Variants in LAMA5 observed in about 807,000 individuals in gnomAD.
LAMA5 encodes laminin subunit alpha-5.
In LAMA5, 260 loss-of-function variants were observed where a neutral mutation model predicts 433.4. That is an observed-to-expected ratio of 0.60 (90% CI 0.54 to 0.66). The LOEUF (loss-of-function observed/expected upper bound fraction) is 0.66. Ranked by LOEUF, LAMA5 falls within the 30% of genes least tolerant of loss-of-function variation. The pLI, the probability that LAMA5 is intolerant of heterozygous loss-of-function variation, is 0.00. For synonymous variants in LAMA5, 2,620 were observed against 2,226.6 expected (o/e 1.18, Z -4.97); for missense variants, 5,378 against 5,258.5 (o/e 1.02, Z -0.70).
chr20:62,347,284 T>C (rs1983547418), intron 6 of LAMA5, among the ~76,000 whole-genome samples: 1 of 152,146 alleles, frequency 6.6e-6, no homozygotes, highest in African/African-American at 2.4e-5. Flanking sequence ...GGACAGGGTC[T>C]CACAGGGCCT....
intron 28 of LAMA5, among the ~76,000 whole-genome samples, chr20:62,332,015 G>A (rs1220895781): frequency 1.3e-5 from 2 of 151,582 alleles, no homozygotes; most frequent in Non-Finnish European, 2.9e-5. Context: ...TCTTGCCATT[G>A]CGCTCCAGCC....
chr20:62,338,444 G>A, intron 12 of LAMA5, 24 bp downstream of exon 12: 1 of 1,607,730 alleles, frequency 6.2e-7, no homozygotes, highest in Non-Finnish European at 8.5e-7. Flanking sequence ...GCAGGTAGAG[G>A]TTGAGCGGGG....
intron 26 of LAMA5, 76 bp downstream of exon 26, chr20:62,333,014 C>T (rs1280257538): frequency 7.2e-7 from 1 of 1,396,112 alleles, no homozygotes; most frequent in African/African-American, 1.5e-5. Flanking sequence ...TATAACCTGC[C>T]ACCGCCACAG....
intron 68 of LAMA5, 29 bp downstream of exon 68, chr20:62,312,371 C>A: frequency 6.2e-7 from 1 of 1,600,076 alleles, no homozygotes; most frequent in East Asian, 2.2e-5. Context: ...TCCACAGATG[C>A]CACCCCCAGC....
rs1325853220 is a variant in LAMA5, at chr20:62,322,282, C to T, written c.6333G>A (p.Glu2111=). 4.4e-6 allele frequency: 7 copies of T among 1,597,952 alleles called. No homozygotes were observed. The Admixed American group carries it at 1.0e-4, about 23-fold the overall frequency. The part of the protein sequence containing the change: ...ECAPGYWGLP[E]QGCRRCQCPG... ...GCCAGCACTCACGCCTGCAGCCCTG[C>T]TCAGGGAGCCCCCAGTAGCCAGGGG... The change falls in exon 47 of 80, where the codon GAG becomes GAA. Residue 2111 remains glutamate, a synonymous_variant. Transcript: ENST00000252999.
Position 62,314,903 on chromosome 20 carries a change from T to C in LAMA5, c.8092A>G (p.Ser2698Gly), listed in dbSNP as rs1176366689. The change falls in exon 60 of 80, where the codon AGC becomes GGC. Residue 2698 changes from serine (S) to glycine (G), a missense_variant. By Grantham distance (56) the Ser-to-Gly change is moderately conservative (BLOSUM62 0). Transcript: ENST00000252999. ...KTLPQLLAKL[S>G]ILENRGVHNA... Reference sequence around the variant, plus strand: ...TGCACCCCACGGTTCTCCAGGATGCTCAGCTTGGCCAGCAGCTGGGGCAGC... The same window carrying C: ...TGCACCCCACGGTTCTCCAGGATGCCCAGCTTGGCCAGCAGCTGGGGCAGC... The C allele has an allele frequency of 1.2e-6, 2 of 1,609,770 alleles. No individual in the cohort carries two copies. The highest frequency in any genetic ancestry group is 1.7e-6 in the Non-Finnish European group (2 of 1,179,372).
In LAMA5 at chr20:62,346,564, G is replaced by T. The variant is rs369596329; in HGVS notation, c.1224C>A (p.Cys408Ter). 6.4e-7 allele frequency: 1 copy of T among 1,572,436 alleles called. No individual in the cohort carries two copies. Among genetic ancestry groups the T allele is most frequent in the Non-Finnish European group, 8.6e-7 (1 of 1,158,928 alleles). The change falls in exon 9 of 80, where the codon TGC becomes TGA. Residue 408 changes from cysteine to a stop codon, truncating the protein, a stop_gained. Transcript: ENST00000252999. LOFTEE classifies it high-confidence loss of function. ...TGGGAGAGCGGTAGAAGCCGGGCAGGCAGCGCTCACAGTTGACGCCGGTGG... is the reference window on the plus strand; with the variant it reads ...TGGGAGAGCGGTAGAAGCCGGGCAGTCAGCGCTCACAGTTGACGCCGGTGG... ...HHTTGVNCER[C>*]LPGFYRSPNH...
Position 62,312,748 on chromosome 20 carries a change from C to G in LAMA5, c.9111G>C (p.Lys3037Asn). The change falls in exon 67 of 80, where the codon AAG (lysine) becomes AAC (asparagine). Residue 3037 changes from lysine to asparagine, a missense_variant. Physicochemically the swap from Lys to Asn is moderately conservative, Grantham distance 94. Coordinates refer to ENST00000252999, the MANE Select transcript of LAMA5 (RefSeq NM_005560.6). ...CCCGCTCCACACGCACCAGCACACGCTTGCGGCTGCCCCCCAGCAGGAACA... is the reference window on the plus strand; with the variant it reads ...CCCGCTCCACACGCACCAGCACACGGTTGCGGCTGCCCCCCAGCAGGAACA... ...IQVFLLGGSR[K>N]RVLVRVERAT... The G allele has an allele frequency of 6.3e-7, 1 of 1,591,118 alleles. No homozygotes were observed. The highest frequency in any genetic ancestry group is 2.3e-5 in the East Asian group (1 of 43,006).
intron 11 of LAMA5, among the ~76,000 whole-genome samples, chr20:62,343,712 G>T (rs1399652951): frequency 1.4e-5 from 2 of 138,384 alleles, no homozygotes; most frequent in South Asian, 2.4e-4. Context: ...GGGGGCAGAG[G>T]TTGCAGTGAG....
In LAMA5 at chr20:62,324,385, ACTTGACTGTGCCT is replaced by A; in HGVS notation, c.5643+43_5643+55del. On this transcript the variant is annotated intron_variant, in intron 42 of 79. Coordinates refer to ENST00000252999, the MANE Select transcript of LAMA5 (RefSeq NM_005560.6). The surrounding 1 kb of genome is among the most constrained non-coding windows in gnomAD (Gnocchi z 4.4). ...TGCAGCCCCTGGTCTTCCCTGGCAC[ACTTGACTGTGCCT>A]TCAGTGAATGCTGCCCCCCTGGCCC... 1 of 1,485,400 alleles carries A rather than the reference ACTTGACTGTGCCT, an allele frequency of 6.7e-7. No individual in the cohort carries two copies. Among genetic ancestry groups the A allele is most frequent in the Non-Finnish European group, 9.3e-7 (1 of 1,076,690 alleles). 92.0% of individuals were successfully genotyped at this position (1,485,400 alleles called of 1,614,324 possible).
intron 2 of LAMA5, among the ~76,000 whole-genome samples, chr20:62,357,282 G>A (rs1382000468): frequency 6.6e-6 from 1 of 152,194 alleles, no homozygotes; most frequent in African/African-American, 2.4e-5. Context: ...CCGCCCTGCA[G>A]GAAGAAGGGC....
intron 6 of LAMA5, among the ~76,000 whole-genome samples, chr20:62,350,644 A>T (rs1187565208): frequency 6.6e-6 from 1 of 152,162 alleles, no homozygotes; most frequent in African/African-American, 2.4e-5. Flanking sequence ...GAGCCCTGCC[A>T]GCTCCCTGCT....
In LAMA5 at chr20:62,313,733, C is replaced by T. The variant is rs777916320; in HGVS notation, c.8574G>A (p.Thr2858=). 16 of 1,612,810 alleles carry T rather than the reference C, an allele frequency of 9.9e-6. No individual in the cohort carries two copies. The highest frequency in any genetic ancestry group is 2.7e-5 in the African/African-American group (2 of 74,936). Residue 2858 remains threonine, a synonymous_variant, in exon 63 of 80, where the codon ACG becomes ACA. Transcript: ENST00000252999. Reference sequence around the variant, plus strand: ...GCAGCCCCTCTGCCCCAGGGGCCACCGTGTCACCCTTGGTTTCCTGGATCA... The same window carrying T: ...GCAGCCCCTCTGCCCCAGGGGCCACTGTGTCACCCTTGGTTTCCTGGATCA... ...RQMIQETKGD[T]VAPGAEGLLN... is the part of the protein sequence containing the mutation.
At chr20:62,347,906 C>T (rs534535372) in intron 6 of LAMA5, among the ~76,000 whole-genome samples, 122 of 152,282 alleles carry the variant, frequency 8.0e-4, no homozygotes, top group African/African-American at 2.8e-3. Context: ...ACTGCTTTCC[C>T]TCAGAATCCA....
chr20:62,355,560 T>G (rs1299865879), intron 2 of LAMA5: 1 of 152,182 alleles, frequency 6.6e-6, no homozygotes, highest in East Asian at 1.9e-4. Context: ...TTGCGGGGAC[T>G]GTGGGAGCCA....
At chr20:62,362,680 C>T in intron 1 of LAMA5, 128 bp from the exon 2 acceptor site, 1 of 762,452 alleles carries the variant, frequency 1.3e-6, no homozygotes. Context: ...GCCTCTGCGC[C>T]CCTCATCCAC....
intron 2 of LAMA5, among the ~76,000 whole-genome samples, chr20:62,360,797 C>T (rs1239210062): frequency 1.3e-5 from 2 of 152,028 alleles, no homozygotes; most frequent in African/African-American, 4.8e-5. Flanking sequence ...ATTTCTGGCC[C>T]AGAACAATCT....
rs892147999 is a variant in LAMA5 at position 62,309,102 on chromosome 20, C to A, written c.*234G>T. On this transcript the variant is annotated 3_prime_UTR_variant, in exon 80 of 80. Transcript: ENST00000252999. The stretch of plus-strand genomic sequence containing the variant: ...TACTTTTTAATTTTTAAGGAGGAAC[C>A]AGTGATGATTGGTGACAAATCTCTC... 1 of 600,232 alleles carries A rather than the reference C, an allele frequency of 1.7e-6. No homozygotes were observed. The highest frequency in any genetic ancestry group is 1.9e-5 in the African/African-American group (1 of 53,564). The allele number at this position is 600,232 out of a possible 1,614,324, so 37.2% of individuals were successfully genotyped here.
intron 18 of LAMA5, among the ~76,000 whole-genome samples, chr20:62,335,654 A>T (rs1981453070): frequency 8.3e-6 from 1 of 120,650 alleles, no homozygotes; most frequent in South Asian, 3.0e-4. Flanking sequence ...CCTCCAGGGC[A>T]CACTCACGGG....
Sources: allele counts gnomAD v4.1 joint callset (sites outside exome capture counted in the v4.1 genomes callset), GRCh38; gene constraint gnomAD v4.1.1; non-coding constraint Gnocchi (gnomAD v3.1); transcripts MANE v1.5; gene names NCBI Gene and HGNC (gene_info 2026-07-23, HGNC 2026-07-21).